PHLDB1: variants seen among roughly 807,000 people sequenced by gnomAD.
The protein encoded by PHLDB1 is pleckstrin homology like domain family B member 1, also known as pleckstrin homology-like domain family B member 1.
PHLDB1 carries 65 observed loss-of-function variants against 139.3 expected under a neutral mutation model. That is an observed-to-expected ratio of 0.47 (90% CI 0.38 to 0.57). The LOEUF is 0.57. Ranked by LOEUF, PHLDB1 falls within the 20% of genes least tolerant of loss-of-function variation. The probability of loss-of-function intolerance (pLI) is 0.00; values close to 1 mark genes in which losing one functional copy is unlikely to be tolerated. For missense variants in PHLDB1, 1,624 were observed against 1,839.7 expected, an observed-to-expected ratio of 0.88 and a Z score of 2.14; for synonymous variants, 679 against 734.5, an observed-to-expected ratio of 0.92 and a Z score of 1.22.
intron 3 of PHLDB1, 199 bp downstream of exon 3, chr11:118,614,881 G>A: frequency 1.8e-6 from 1 of 555,922 alleles, no homozygotes; most frequent in African/African-American, 1.9e-5. Context: ...TTCCACGACT[G>A]GGCTTAAAGA....
rs1259279236 is a variant in PHLDB1 at position 118,608,873 on chromosome 11, C to T, written c.-22+1174C>T. On this transcript the variant is annotated intron_variant, in intron 1 of 22. Coordinates refer to ENST00000600882, the MANE Select transcript of PHLDB1 (RefSeq NM_001144758.3). The surrounding 1 kb of genome is among the most constrained non-coding windows in gnomAD (Gnocchi z 6.7). Reference sequence around the variant, plus strand: ...ACCCGCAGCCCCGCTTACACGCGCCCCAGCTCACACATGCACCCCAGTCAC... The same window carrying T: ...ACCCGCAGCCCCGCTTACACGCGCCTCAGCTCACACATGCACCCCAGTCAC... Among the ~76,000 whole-genome samples the T allele has an allele frequency of 6.6e-6, 1 of 152,038 alleles. No individual in the cohort carries two copies. Among genetic ancestry groups the T allele is most frequent in the Non-Finnish European group, 1.5e-5 (1 of 67,978 alleles).
rs535829206 is a variant in PHLDB1, at chr11:118,631,773, T to TG, written c.2101-139dup. On this transcript the variant is annotated intron_variant, in intron 7 of 22. Coordinates refer to ENST00000600882, the MANE Select transcript of PHLDB1 (RefSeq NM_001144758.3). Reference sequence around the variant, plus strand: ...TATTGCTCCCCTCAAAGGTGGGGGTTGCGGGGGGGCAGGGAATTAGCCTCC... The same window carrying TG: ...TATTGCTCCCCTCAAAGGTGGGGGTTGGCGGGGGGGCAGGGAATTAGCCTCC... 1.1e-3 allele frequency: 1,138 copies of TG among 1,007,660 alleles called. 1 individual carries two copies. The highest frequency in any genetic ancestry group is 2.4e-3 in the African/African-American group (149 of 61,038). 62.4% of individuals were successfully genotyped at this position (1,007,660 alleles called of 1,614,324 possible). A position where few individuals can be genotyped will look rare whatever the true frequency, so the allele number is the denominator to read the frequency against.
chr11:118,626,075 C>T (rs1555100906), intron 5 of PHLDB1, among the ~76,000 whole-genome samples: 1 of 152,160 alleles, frequency 6.6e-6, no homozygotes, highest in East Asian at 1.9e-4. Context: ...AAAGCAGGCT[C>T]TTGCTGGCAT....
At chr11:118,614,833 C>A in intron 3 of PHLDB1, 151 bp downstream of exon 3, 1 of 674,548 alleles carries the variant, frequency 1.5e-6, no homozygotes, top group Non-Finnish European at 2.5e-6. Flanking sequence ...TTGTCTCTGC[C>A]TCCCCAGACT....
At chr11:118,619,854 A>T (rs1942409189) in intron 4 of PHLDB1, among the ~76,000 whole-genome samples, 1 of 152,100 alleles carries the variant, frequency 6.6e-6, no homozygotes, top group Non-Finnish European at 1.5e-5. Flanking sequence ...TTCATCTAAG[A>T]GGTTGATTTT....
In PHLDB1 at chr11:118,627,990, T is replaced by C. The variant is rs1555104682; in HGVS notation, c.1167T>C (p.Pro389=). The C allele has an allele frequency of 6.2e-7, 1 of 1,613,858 alleles. No homozygotes were observed. Among genetic ancestry groups the C allele is most frequent in the Non-Finnish European group, 8.5e-7 (1 of 1,179,984 alleles). The stretch of plus-strand genomic sequence containing the variant: ...GCCCCAAGTTTCAGCCTCCAGTCCC[T>C]GCTCCCCGAAACAAGATTGGCACAC... The part of the protein sequence containing the change: ...PGSPKFQPPV[P]APRNKIGTLQ... Residue 389 remains proline (P), a synonymous_variant, in exon 6 of 23, where the codon CCT becomes CCC. Coordinates refer to ENST00000600882, the MANE Select transcript of PHLDB1 (RefSeq NM_001144758.3).
intron 1 of PHLDB1, among the ~76,000 whole-genome samples, chr11:118,612,267 A>G (rs1174996204): frequency 6.6e-6 from 1 of 152,170 alleles, no homozygotes; most frequent in Non-Finnish European, 1.5e-5. Context: ...TTAAGGCTTT[A>G]TATATCCCAG....
In PHLDB1 at chr11:118,627,714, G is replaced by T; in HGVS notation, c.891G>T (p.Gln297His). 1 of 1,610,154 alleles carries T rather than the reference G, an allele frequency of 6.2e-7. No individual in the cohort carries two copies. The change falls in exon 6 of 23, where the codon CAG becomes CAT. Residue 297 changes from glutamine to histidine, a missense_variant. Coordinates refer to ENST00000600882, the MANE Select transcript of PHLDB1 (RefSeq NM_001144758.3). ...CCTCCAGCTACCATCTGGCCCTACA[G>T]CCCCCACAGTCCCGCCCAAGTGGTG... Reference protein sequence around the residue: ...ARSSSYHLALQPPQSRPSGAR... With the variant: ...ARSSSYHLALHPPQSRPSGAR...
In PHLDB1 at chr11:118,632,291, G is replaced by A. The variant is rs1555111989; in HGVS notation, c.2374G>A (p.Asp792Asn). 1 of 1,612,650 alleles carries A rather than the reference G, an allele frequency of 6.2e-7. No individual in the cohort carries two copies. The highest frequency in any genetic ancestry group is 1.1e-5 in the South Asian group (1 of 91,010). ...GGAGACAGGCATCCAGAAGGAGAGG[G>A]ACAAGGTAACCCACACCTGGCCCAG... ...ALETGIQKER[D>N]KEAEALETET... The change falls in exon 9 of 23, where the codon GAC becomes AAC. Residue 792 changes from aspartate to asparagine, a missense_variant. Transcript: ENST00000600882. The surrounding 1 kb of genome is among the most constrained non-coding windows in gnomAD (Gnocchi z 5.9).
chr11:118,632,035 G>A lies in PHLDB1; in HGVS notation c.2223G>A (p.Leu741=). ...KVRVKELEQQ[L]QESAREAEME... ...GTGTGAAGGAGCTAGAGCAGCAGCT[G>A]CAGGAGTCAGCCCGAGAGGTGAGCC... Residue 741 remains leucine (L), a synonymous_variant, in exon 8 of 23, where the codon CTG becomes CTA. Coordinates refer to ENST00000600882, the MANE Select transcript of PHLDB1 (RefSeq NM_001144758.3). The surrounding 1 kb of genome is among the most constrained non-coding windows in gnomAD (Gnocchi z 5.9). 1 of 1,614,042 alleles carries A rather than the reference G, an allele frequency of 6.2e-7. No homozygotes were observed. The highest frequency in any genetic ancestry group is 1.6e-4 in the Middle Eastern group (1 of 6,062).
intron 4 of PHLDB1, among the ~76,000 whole-genome samples, chr11:118,622,420 TA>T (rs1383061621): frequency 6.6e-6 from 1 of 152,268 alleles, no homozygotes; most frequent in Non-Finnish European, 1.5e-5. Context: ...CTGCCCGCTC[TA>T]TTAATACGGA....
chr11:118,611,166 T>C lies in PHLDB1; in HGVS notation c.-21-2650T>C, dbSNP rs978688272. 1.3e-5 allele frequency among the ~76,000 whole-genome samples: 2 copies of C among 152,188 alleles called. No homozygotes were observed. The highest frequency in any genetic ancestry group is 2.9e-5 in the Non-Finnish European group (2 of 68,022). On this transcript the variant is annotated intron_variant, in intron 1 of 22. Transcript: ENST00000600882. The surrounding 1 kb of genome is among the most constrained non-coding windows in gnomAD (Gnocchi z 4.7). ...TGAGGGCGCCCCCAGGTGGCCGCTCTCGGCCGCGGCGATCGCCCTTTGGGA... is the reference window on the plus strand; with the variant it reads ...TGAGGGCGCCCCCAGGTGGCCGCTCCCGGCCGCGGCGATCGCCCTTTGGGA...
chr11:118,627,898 G>A lies in PHLDB1; in HGVS notation c.1075G>A (p.Val359Met), dbSNP rs1555104479. 10 of 1,611,204 alleles carry A rather than the reference G, an allele frequency of 6.2e-6. No homozygotes were observed. In the South Asian group the frequency reaches 9.9e-5, roughly 16 times the overall value. Residue 359 changes from valine to methionine, a missense_variant, in exon 6 of 23, where the codon GTG (valine) becomes ATG (methionine). Physicochemically the swap from Val to Met is conservative, Grantham distance 21. Coordinates refer to ENST00000600882, the MANE Select transcript of PHLDB1 (RefSeq NM_001144758.3). ...SPRLGGQLPV[V>M]AISLSEYPAS... is the part of the protein sequence containing the mutation. ...CCGGCTGGGTGGGCAGCTGCCTGTGGTGGCCATCAGCCTGAGTGAATACCC... is the reference window on the plus strand; with the variant it reads ...CCGGCTGGGTGGGCAGCTGCCTGTGATGGCCATCAGCCTGAGTGAATACCC...
In PHLDB1 at chr11:118,628,380, C is replaced by G. The variant is rs782548867; in HGVS notation, c.1557C>G (p.Pro519=). Residue 519 remains proline (P), a synonymous_variant, in exon 6 of 23, where the codon CCC becomes CCG. Coordinates refer to ENST00000600882, the MANE Select transcript of PHLDB1 (RefSeq NM_001144758.3). ...LGARGRRTRS[P]SPTLGESLAP... ...CACGGGGCCGTAGGACACGGAGCCC[C>G]TCACCCACACTGGGTGAGTCTCTGG... 6.2e-7 allele frequency: 1 copy of G among 1,610,840 alleles called. No homozygotes were observed. Among genetic ancestry groups the G allele is most frequent in the African/African-American group, 1.3e-5 (1 of 74,950 alleles).
rs951594236 is a variant in PHLDB1, at chr11:118,636,135, G to A, written c.2535+587G>A. On this transcript the variant is annotated intron_variant, in intron 10 of 22. Transcript: ENST00000600882. ...GATGGTGGCACAGGTGACTGTGTAT[G>A]TTTGGGGAGTAAAGCTGGGAGGAGG... Among the ~76,000 whole-genome samples, 4 of 152,204 alleles carry A rather than the reference G, an allele frequency of 2.6e-5. No homozygotes were observed. In the East Asian group the frequency reaches 7.7e-4, roughly 29 times the overall value.
chr11:118,628,058 G>GCCCC lies in PHLDB1; in HGVS notation c.1235_1236insCCCC (p.Glu413ProfsTer2). ...AGCCCTTTCCGTGAGCCTCCAGGCA[G>GCCCC]TGAGCGGGTGCTAACAACCAGCCCC... On this transcript the variant is annotated frameshift_variant, in exon 6 of 23. Coordinates refer to ENST00000600882, the MANE Select transcript of PHLDB1 (RefSeq NM_001144758.3). LOFTEE classifies it high-confidence loss of function. 2 of 1,614,018 alleles carry GCCCC rather than the reference G, an allele frequency of 1.2e-6. No homozygotes were observed. The highest frequency in any genetic ancestry group is 1.7e-6 in the Non-Finnish European group (2 of 1,180,014).
chr11:118,647,986 G>T lies in PHLDB1; in HGVS notation c.3564G>T (p.Glu1188Asp). ...QALEEERRRR[E>D]QVERRLQSES... ...TGGAGGAGGAGCGGCGGAGGCGTGA[G>T]CAGGTAGAACGGAGGCTGCAGAGTG... Residue 1188 changes from glutamate (E) to aspartate (D), a missense_variant, in exon 18 of 23, where the codon GAG becomes GAT. By Grantham distance (45) the Glu-to-Asp change is conservative. Coordinates refer to ENST00000600882, the MANE Select transcript of PHLDB1 (RefSeq NM_001144758.3). 6.2e-7 allele frequency: 1 copy of T among 1,604,396 alleles called. No homozygotes were observed. Among genetic ancestry groups the T allele is most frequent in the Non-Finnish European group, 8.5e-7 (1 of 1,175,398 alleles).
rs1055545169 is a variant in PHLDB1, at chr11:118,620,633, T to A, written c.356-4301T>A. Among the ~76,000 whole-genome samples the A allele has an allele frequency of 6.6e-6, 1 of 152,122 alleles. No individual in the cohort carries two copies. Among genetic ancestry groups the A allele is most frequent in the Non-Finnish European group, 1.5e-5 (1 of 68,018 alleles). On this transcript the variant is annotated intron_variant, in intron 4 of 22. Coordinates refer to ENST00000600882, the MANE Select transcript of PHLDB1 (RefSeq NM_001144758.3). This position sits in a 1 kb window ranked among gnomAD's most constrained non-coding sequence, Gnocchi z 4.1. ...GGCTCTTTGCTGGGTCTAGCACAACTGGATGTTGTGGCTGGGGTGCGGGCT... is the reference window on the plus strand; with the variant it reads ...GGCTCTTTGCTGGGTCTAGCACAACAGGATGTTGTGGCTGGGGTGCGGGCT...
At chr11:118,623,356 A>T (rs1223790795) in intron 4 of PHLDB1, among the ~76,000 whole-genome samples, 2 of 152,178 alleles carry the variant, frequency 1.3e-5, no homozygotes, top group Admixed American at 1.3e-4. Flanking sequence ...TGTGGCTGGG[A>T]GGTGGAGTTC....
Sources: allele counts gnomAD v4.1 joint callset (sites outside exome capture counted in the v4.1 genomes callset), GRCh38; gene constraint gnomAD v4.1.1; non-coding constraint Gnocchi (gnomAD v3.1); transcripts MANE v1.5; gene names NCBI Gene and HGNC (gene_info 2026-07-23, HGNC 2026-07-21).